ERN1: variants seen among roughly 807,000 people sequenced by gnomAD.
The protein encoded by ERN1 is serine/threonine-protein kinase/endoribonuclease IRE1.
Under a neutral mutation model 113.1 loss-of-function variants are expected in ERN1, and 39 were observed. That is an observed-to-expected ratio of 0.34 (90% CI 0.27 to 0.45). The LOEUF (loss-of-function observed/expected upper bound fraction) is 0.45. Among genes scored for constraint, ERN1 ranks in the 20% least tolerant of loss-of-function variants. The probability of loss-of-function intolerance (pLI) is 1.00; values close to 1 mark genes in which losing one functional copy is unlikely to be tolerated. For synonymous variants in ERN1, 507 were observed against 515.9 expected, an observed-to-expected ratio of 0.98 and a Z score of 0.23; for missense variants, 976 against 1,274.8, an observed-to-expected ratio of 0.77 and a Z score of 3.57.
intron 13 of ERN1, among the ~76,000 whole-genome samples, 195 bp from the exon 14 acceptor site, chr17:64,055,023 C>T (rs1912813604): frequency 6.6e-6 from 1 of 152,216 alleles, no homozygotes; most frequent in Non-Finnish European, 1.5e-5. Flanking sequence ...TTCCCCCTGC[C>T]CCTGCATTCT....
chr17:64,076,829 T>A (rs944864533), intron 4 of ERN1, among the ~76,000 whole-genome samples: 1 of 152,186 alleles, frequency 6.6e-6, no homozygotes. Context: ...CTCGATCTCC[T>A]GACCTTGTGA....
chr17:64,066,277 C>G (rs1421673730), intron 8 of ERN1, among the ~76,000 whole-genome samples: 11 of 152,122 alleles, frequency 7.2e-5, no homozygotes, highest in Admixed American at 7.2e-4. Context: ...ACTATACTTA[C>G]ACTGGCAGTC....
intron 20 of ERN1, 63 bp downstream of exon 20, chr17:64,045,296 A>G (rs1293130335): frequency 6.2e-7 from 1 of 1,606,448 alleles, no homozygotes; most frequent in Non-Finnish European, 8.5e-7. Flanking sequence ...TTCCACGTTT[A>G]CTTTTTGGAA....
chr17:64,068,195 T>C lies in ERN1; in HGVS notation c.575A>G (p.Asp192Gly), dbSNP rs992089194. 8 of 1,606,196 alleles carry C rather than the reference T, an allele frequency of 5.0e-6. No individual in the cohort carries two copies. In the Admixed American group the frequency reaches 8.5e-5, roughly 17 times the overall value. ...ATCCAGCAGAGAGCACTTACTGTAG[T>C]CCACGTCGTCCTCAGGCAGTGAGGC... The part of the protein sequence containing the change: ...YAASLPEDDV[D>G]YKMSHFVSNG... Residue 192 changes from aspartate (D) to glycine (G), a missense_variant, in exon 7 of 22, where the codon GAC becomes GGC. Transcript: ENST00000433197.
chr17:64,122,325 C>T (rs1438321988), intron 1 of ERN1, among the ~76,000 whole-genome samples: 2 of 152,054 alleles, frequency 1.3e-5, no homozygotes, highest in Non-Finnish European at 2.9e-5. Flanking sequence ...CCAAACACCA[C>T]CCTCCTAGGT....
At chr17:64,111,192 C>T (rs1914662067) in intron 1 of ERN1, among the ~76,000 whole-genome samples, 1 of 152,022 alleles carries the variant, frequency 6.6e-6, no homozygotes, top group African/African-American at 2.4e-5. Flanking sequence ...TTTATATATA[C>T]TTATGGTATA....
chr17:64,106,081 G>A (rs1914519335), intron 1 of ERN1, among the ~76,000 whole-genome samples: 4 of 152,130 alleles, frequency 2.6e-5, no homozygotes, highest in Admixed American at 1.3e-4. Context: ...CCCGCAACCT[G>A]CCAACAACAG....
intron 10 of ERN1, 101 bp from the exon 11 acceptor site, chr17:64,060,688 C>T (rs1248678921): frequency 2.6e-6 from 2 of 776,716 alleles, no homozygotes; most frequent in East Asian, 2.5e-5. Context: ...GAGGGGTCCA[C>T]AATGCAAACT....
chr17:64,051,121 C>G (rs1473709753), intron 17 of ERN1, among the ~76,000 whole-genome samples: 1 of 145,638 alleles, frequency 6.9e-6, no homozygotes, highest in Non-Finnish European at 1.5e-5. Context: ...TGGATTATAA[C>G]ATTAGTTTCA....
At position 64,072,016 on chromosome 17, in the gene ERN1, C is replaced by T. The variant is rs2143389665; in HGVS notation, c.443G>A (p.Cys148Tyr). 3 of 1,590,858 alleles carry T rather than the reference C, an allele frequency of 1.9e-6. No individual in the cohort carries two copies. The East Asian group carries it at 6.8e-5, about 36-fold the overall frequency. ...TLSSAFADSL[C>Y]PSTSLLYLGR... ...AAGATACAGAAGAGAGGTTGATGGG[C>T]AGAGACTATCTGCAAAGGCCGATGA... The change falls in exon 6 of 22, where the codon TGC (cysteine) becomes TAC (tyrosine). Residue 148 changes from cysteine (C) to tyrosine (Y), a missense_variant. Transcript: ENST00000433197.
intron 1 of ERN1, among the ~76,000 whole-genome samples, chr17:64,121,973 G>A (rs1373576161): frequency 6.6e-6 from 1 of 152,168 alleles, no homozygotes; most frequent in African/African-American, 2.4e-5. Flanking sequence ...AACATTATCT[G>A]GGTATTTTCC....
chr17:64,086,695 G>A (rs1340553716), intron 2 of ERN1, among the ~76,000 whole-genome samples: 1 of 114,050 alleles, frequency 8.8e-6, no homozygotes, highest in Non-Finnish European at 1.6e-5. Context: ...CGCCCAGGCT[G>A]GAGTGCAGTG....
intron 15 of ERN1, 33 bp from the exon 16 acceptor site, chr17:64,053,404 A>G: frequency 1.3e-6 from 2 of 1,528,298 alleles, no homozygotes; most frequent in African/African-American, 2.7e-5. Context: ...GTCACGGCAC[A>G]CAGTCCTCAG....
chr17:64,040,988 A>C lies in ERN1; in HGVS notation c.*3000T>G, dbSNP rs990581994. ...GGGAAACCCCGTCTCTACTAAAAAA[A>C]ATATAAAAAATTAGCCGAGCGTGGT... On this transcript the variant is annotated 3_prime_UTR_variant, in exon 22 of 22. Transcript: ENST00000433197. The C allele has an allele frequency of 6.6e-6, 1 of 151,944 alleles. No homozygotes were observed. The highest frequency in any genetic ancestry group is 1.5e-5 in the Non-Finnish European group (1 of 67,932). 9.4% of individuals were successfully genotyped at this position (151,944 alleles called of 1,614,324 possible).
chr17:64,101,087 A>G (rs533308059), intron 1 of ERN1, among the ~76,000 whole-genome samples: 8 of 152,140 alleles, frequency 5.3e-5, no homozygotes, highest in African/African-American at 1.7e-4. Flanking sequence ...CACACACCCA[A>G]TGAGGAAAAA....
At chr17:64,103,001 A>G (rs1336987069) in intron 1 of ERN1, 2 of 972,638 alleles carry the variant, frequency 2.1e-6, no homozygotes, top group Non-Finnish European at 1.2e-6. Flanking sequence ...GCAGGCATCT[A>G]GTCTAGCCTA....
In ERN1 at chr17:64,040,335, A is replaced by G. The variant is rs1912298381; in HGVS notation, c.*3653T>C. The G allele has an allele frequency of 6.6e-6, 1 of 152,192 alleles. No individual in the cohort carries two copies. The highest frequency in any genetic ancestry group is 2.4e-5 in the African/African-American group (1 of 41,438). 9.4% of individuals were successfully genotyped at this position (152,192 alleles called of 1,614,324 possible). ...AGGCCAAGGATCCAATGGGCACACC[A>G]TGAGGACCCAAGGAAAGGACAGAGA... On this transcript the variant is annotated 3_prime_UTR_variant, in exon 22 of 22. Coordinates refer to ENST00000433197, the MANE Select transcript of ERN1 (RefSeq NM_001433.5).
intron 1 of ERN1, among the ~76,000 whole-genome samples, chr17:64,124,673 T>A (rs1048737321): frequency 2.6e-5 from 4 of 152,226 alleles, no homozygotes; most frequent in Non-Finnish European, 5.9e-5. Flanking sequence ...TTAAACCTAC[T>A]TCTTTTGTAA....
intron 12 of ERN1, among the ~76,000 whole-genome samples, chr17:64,057,454 C>T (rs376865832): frequency 4.6e-5 from 7 of 151,972 alleles, no homozygotes; most frequent in African/African-American, 9.7e-5. Context: ...CTATAAGCTC[C>T]GCCTCACGGG....
Sources: gnomAD v4.1 joint callset for allele counts (sites outside exome capture counted in the v4.1 genomes callset) on GRCh38, gnomAD v4.1.1 for gene constraint, MANE v1.5 for transcripts, NCBI Gene and HGNC (gene_info 2026-07-23, HGNC 2026-07-21) for gene names.